ADCY5: variants seen among roughly 807,000 people sequenced by gnomAD.
ADCY5 encodes adenylate cyclase 5.
A neutral mutation model predicts 119.7 loss-of-function variants in ADCY5; 30 were observed. The ratio of observed to expected loss-of-function variants is 0.25; its 90% CI spans 0.19 to 0.34. The LOEUF is 0.34. ADCY5 is among the 10% of genes least tolerant of loss of function. ADCY5 has a pLI of 1.00. For missense variants in ADCY5, 1,324 were observed against 1,775.2 expected, an observed-to-expected ratio of 0.75 and a Z score of 4.57; for synonymous variants, 753 against 762.2, an observed-to-expected ratio of 0.99 and a Z score of 0.20.
intron 1 of ADCY5, among the ~76,000 whole-genome samples, chr3:123,396,061 G>GGAGAGAGAGAGGGAGGGAGAGA (rs1559859667): frequency 1.5e-4 from 3 of 19,944 alleles, no homozygotes; most frequent in Non-Finnish European, 2.3e-4. Context: ...AGGGAGGGAG[G>GGAGAGAGAGAGGGAGGGAGAGA]GTGGGAGGGA....
At position 123,405,967 on chromosome 3, in the gene ADCY5, C is replaced by G. The variant is rs113477482; in HGVS notation, c.1134+41445G>C. The stretch of plus-strand genomic sequence containing the variant: ...TTTTTCATCTCTGATACTTTGAAAT[C>G]TGGGGTCTCGCTGACCCTGGAGGGA... On this transcript the variant is annotated intron_variant, in intron 1 of 20. Coordinates refer to ENST00000462833, the MANE Select transcript of ADCY5 (RefSeq NM_183357.3). Among the ~76,000 whole-genome samples, 626 of 152,292 alleles carry G rather than the reference C, an allele frequency of 4.1e-3. 3 individuals carry two copies. Among genetic ancestry groups the G allele is most frequent in the African/African-American group, 0.015 (604 of 41,572 alleles).
chr3:123,419,820 C>T (rs947837025), intron 1 of ADCY5, among the ~76,000 whole-genome samples: 4 of 152,078 alleles, frequency 2.6e-5, no homozygotes, highest in Non-Finnish European at 5.9e-5. Context: ...AGCTGCTGCT[C>T]AGCTCCCCTC....
Position 123,352,905 on chromosome 3 carries a change from G to A in ADCY5, c.1135-324C>T, listed in dbSNP as rs1334980662. Among the ~76,000 whole-genome samples, 3 of 152,166 alleles carry A rather than the reference G, an allele frequency of 2.0e-5. No individual in the cohort carries two copies. Among genetic ancestry groups the A allele is most frequent in the African/African-American group, 7.2e-5 (3 of 41,432 alleles). ...CTGTGACAGAGCTGTGTGTGTGCTC[G>A]GGGCAGGAGGGCCACTGCAAGGAAG... On this transcript the variant is annotated intron_variant, in intron 1 of 20. Transcript: ENST00000462833. The surrounding 1 kb of genome is among the most constrained non-coding windows in gnomAD (Gnocchi z 4.8).
chr3:123,364,620 T>C (rs1371379060), intron 1 of ADCY5, among the ~76,000 whole-genome samples: 1 of 151,980 alleles, frequency 6.6e-6, no homozygotes, highest in Non-Finnish European at 1.5e-5. Flanking sequence ...GGCCAGATCA[T>C]GAAAGAATTT....
intron 10 of ADCY5, 121 bp downstream of exon 10, chr3:123,319,553 G>T (rs546347062): frequency 7.9e-7 from 1 of 1,267,434 alleles, no homozygotes; most frequent in African/African-American, 1.5e-5. Context: ...TCAGAGCTGG[G>T]GAAACTGAGG....
At chr3:123,293,055 G>A (rs2108207577) in intron 17 of ADCY5, among the ~76,000 whole-genome samples, 1 of 152,338 alleles carries the variant, frequency 6.6e-6, no homozygotes, top group East Asian at 1.9e-4. Flanking sequence ...CAGCACAGGT[G>A]GGCGCCTGAC....
At chr3:123,391,866 G>A (rs930961734) in intron 1 of ADCY5, among the ~76,000 whole-genome samples, 2 of 152,166 alleles carry the variant, frequency 1.3e-5, no homozygotes, top group Non-Finnish European at 1.5e-5. Flanking sequence ...GGGGTGGCCG[G>A]TGGATCTACA....
At chr3:123,445,908 G>A (rs1438964372) in intron 1 of ADCY5, among the ~76,000 whole-genome samples, 1 of 152,180 alleles carries the variant, frequency 6.6e-6, no homozygotes, top group Non-Finnish European at 1.5e-5. Flanking sequence ...AGTGGACACT[G>A]GAAAATGAAT....
chr3:123,448,164 T>G lies in ADCY5; in HGVS notation c.382A>C (p.Thr128Pro). The G allele has an allele frequency of 9.0e-7, 1 of 1,106,498 alleles. No homozygotes were observed. The highest frequency in any genetic ancestry group is 1.1e-6 in the Non-Finnish European group (1 of 910,580). The allele number at this position is 1,106,498 out of a possible 1,614,324, so 68.5% of individuals were successfully genotyped here. Residue 128 changes from threonine to proline, a missense_variant, in exon 1 of 21, where the codon ACC becomes CCC. Thr to Pro is a conservative substitution (Grantham distance 38, BLOSUM62 -1). Transcript: ENST00000462833. ...CCGCCGCCCGCAGGGGGCGCCCGGGTGCTGCCCCCGCTGGCCGCGCCCCGC... is the reference window on the plus strand; with the variant it reads ...CCGCCGCCCGCAGGGGGCGCCCGGGGGCTGCCCCCGCTGGCCGCGCCCCGC... ...QRRGAASGGSTRAPPAGGGGG... is the reference protein window; with the variant it reads ...QRRGAASGGSPRAPPAGGGGG...
intron 3 of ADCY5, among the ~76,000 whole-genome samples, chr3:123,342,407 A>G (rs975576023): frequency 2.0e-5 from 3 of 152,160 alleles, no homozygotes; most frequent in African/African-American, 7.2e-5. Flanking sequence ...CTGAGGAGAC[A>G]GGGGATCTCT....
intron 1 of ADCY5, among the ~76,000 whole-genome samples, chr3:123,359,860 C>G (rs1943185912): frequency 6.6e-6 from 1 of 152,140 alleles, no homozygotes; most frequent in South Asian, 2.1e-4. Flanking sequence ...AAGCTGACAT[C>G]CTGGCAAGAC....
At chr3:123,372,785 T>G (rs865927418) in intron 1 of ADCY5, among the ~76,000 whole-genome samples, 2 of 152,234 alleles carry the variant, frequency 1.3e-5, no homozygotes, top group Non-Finnish European at 2.9e-5. Context: ...ACCCTGGGTG[T>G]GTCCTTTGTA....
chr3:123,403,174 G>C (rs986620447), intron 1 of ADCY5, among the ~76,000 whole-genome samples: 1 of 151,912 alleles, frequency 6.6e-6, no homozygotes, highest in Non-Finnish European at 1.5e-5. Flanking sequence ...GAGCTCAAGT[G>C]TTGGGGACCA....
chr3:123,396,048 GA>G, intron 1 of ADCY5, among the ~76,000 whole-genome samples: 1 of 66,538 alleles, frequency 1.5e-5, no homozygotes, highest in Non-Finnish European at 3.1e-5. Flanking sequence ...GAGGGAGGGA[GA>G]GAGGGAGGGA....
At chr3:123,391,012 G>A (rs1487287454) in intron 1 of ADCY5, among the ~76,000 whole-genome samples, 3 of 152,256 alleles carry the variant, frequency 2.0e-5, no homozygotes, top group Non-Finnish European at 2.9e-5. Flanking sequence ...ACACCGTGCT[G>A]ACCCAGCCTT....
Position 123,426,606 on chromosome 3 carries a change from C to T in ADCY5, c.1134+20806G>A, listed in dbSNP as rs543428657. 5.9e-5 allele frequency among the ~76,000 whole-genome samples: 9 copies of T among 152,254 alleles called. No homozygotes were observed. The South Asian group carries it at 1.5e-3, about 25-fold the overall frequency. On this transcript the variant is annotated intron_variant, in intron 1 of 20. Coordinates refer to ENST00000462833, the MANE Select transcript of ADCY5 (RefSeq NM_183357.3). The stretch of plus-strand genomic sequence containing the variant: ...TCAGCCTCCCAAAGTGCTGGGATTA[C>T]GGGCGTGAGCCACTGCGCCTGGCCA...
chr3:123,420,888 C>T (rs1298405865), intron 1 of ADCY5, among the ~76,000 whole-genome samples: 2 of 152,166 alleles, frequency 1.3e-5, no homozygotes, highest in Admixed American at 6.5e-5. Context: ...AATCTGTTCC[C>T]TGCCTCTCTC....
intron 12 of ADCY5, 48 bp downstream of exon 12, chr3:123,314,187 G>C: frequency 6.6e-7 from 1 of 1,508,526 alleles, no homozygotes; most frequent in South Asian, 1.2e-5. Context: ...CTAGGGCTGA[G>C]AGAAGCGGGA....
At chr3:123,429,874 A>C (rs1210951031) in intron 1 of ADCY5, among the ~76,000 whole-genome samples, 1 of 151,984 alleles carries the variant, frequency 6.6e-6, no homozygotes, top group Non-Finnish European at 1.5e-5. Flanking sequence ...TCCAACCCCA[A>C]CTGTTCCTCC....
Sources: gnomAD v4.1 joint callset for allele counts (sites outside exome capture counted in the v4.1 genomes callset) on GRCh38, gnomAD v4.1.1 for gene constraint, Gnocchi (gnomAD v3.1) non-coding constraint, MANE v1.5 for transcripts, NCBI Gene and HGNC (gene_info 2026-07-23, HGNC 2026-07-21) for gene names.